Variants in TRIM66 observed in about 807,000 individuals in gnomAD.
TRIM66 encodes tripartite motif containing 66.
Under a neutral mutation model 148.2 loss-of-function variants are expected in TRIM66, and 99 were observed. The ratio of observed to expected loss-of-function variants is 0.67; its 90% CI spans 0.57 to 0.79. TRIM66 has a LOEUF of 0.79. Among genes scored for constraint, TRIM66 ranks in the 30% least tolerant of loss-of-function variants. The pLI is 0.00. For synonymous variants in TRIM66, 616 were observed against 635.9 expected, an observed-to-expected ratio of 0.97 and a Z score of 0.47; for missense variants, 1,666 against 1,697.9, an observed-to-expected ratio of 0.98 and a Z score of 0.33.
intron 6 of TRIM66, among the ~76,000 whole-genome samples, chr11:8,655,234 G>A (rs2037721307): frequency 6.6e-6 from 1 of 152,270 alleles, no homozygotes; most frequent in African/African-American, 2.4e-5. Context: ...GTAGTAAGAA[G>A]CCACCTGGAA....
At position 8,617,823 on chromosome 11, in the gene TRIM66, T is replaced by C. The variant is rs2033817777; in HGVS notation, c.*121A>G. On this transcript the variant is annotated 3_prime_UTR_variant, in exon 25 of 25. Transcript: ENST00000646038. ...AGATGCAAATGGCAAAGAAGAGCAC[T>C]ACACAGTTCAACAAGACTCATCTAC... 3.2e-6 allele frequency: 3 copies of C among 942,452 alleles called. No individual in the cohort carries two copies. Among genetic ancestry groups the C allele is most frequent in the South Asian group, 1.5e-5 (1 of 68,010 alleles). The allele number at this position is 942,452 out of a possible 1,614,324, so 58.4% of individuals were successfully genotyped here.
chr11:8,623,758 C>G lies in TRIM66; in HGVS notation c.3019+601G>C, dbSNP rs1404182927. 2.6e-5 allele frequency among the ~76,000 whole-genome samples: 4 copies of G among 152,148 alleles called. No individual in the cohort carries two copies. The East Asian group carries it at 7.7e-4, about 29-fold the overall frequency. On this transcript the variant is annotated intron_variant, in intron 17 of 24. Coordinates refer to ENST00000646038, the MANE Select transcript of TRIM66 (RefSeq NM_001388022.1). ...TGGGAAGCTGAGAAGCGAATCAGAACCAATCTCCAATGGTCCAAATTGCCT... is the reference window on the plus strand; with the variant it reads ...TGGGAAGCTGAGAAGCGAATCAGAAGCAATCTCCAATGGTCCAAATTGCCT...
chr11:8,649,286 C>T (rs748279605), intron 8 of TRIM66, among the ~76,000 whole-genome samples: 3 of 152,032 alleles, frequency 2.0e-5, no homozygotes. Flanking sequence ...TTGTAGTGAG[C>T]CGAGATCATG....
chr11:8,633,122 G>A (rs2035565545), intron 15 of TRIM66, among the ~76,000 whole-genome samples: 1 of 152,126 alleles, frequency 6.6e-6, no homozygotes, highest in East Asian at 1.9e-4. Context: ...AAGGTATTTT[G>A]CCCAGGCCAG....
chr11:8,665,566 C>T (rs1365777740), intron 6 of TRIM66, among the ~76,000 whole-genome samples: 2 of 152,204 alleles, frequency 1.3e-5, no homozygotes, highest in Non-Finnish European at 2.9e-5. Flanking sequence ...TGCCATACAG[C>T]CTGGTACACA....
chr11:8,618,032 A>C, intron 24 of TRIM66, 29 bp from the exon 25 acceptor site: 1 of 1,538,932 alleles, frequency 6.5e-7, no homozygotes, highest in Non-Finnish European at 8.8e-7. Flanking sequence ...TTTGGAATTA[A>C]AATAGCCAAA....
At chr11:8,641,394 C>T (rs2036381196) in intron 13 of TRIM66, among the ~76,000 whole-genome samples, 3 of 152,138 alleles carry the variant, frequency 2.0e-5, no homozygotes, top group Admixed American at 2.0e-4. Context: ...AGATGCTCAG[C>T]CCTGACTCTG....
At chr11:8,660,567 C>T (rs1446970128) in intron 6 of TRIM66, among the ~76,000 whole-genome samples, 2 of 152,176 alleles carry the variant, frequency 1.3e-5, no homozygotes, top group African/African-American at 2.4e-5. Context: ...AATGGTAGAG[C>T]TAAGTAGTTG....
In TRIM66 at chr11:8,622,855, C is replaced by T. The variant is rs1422445535; in HGVS notation, c.3041G>A (p.Gly1014Glu). 1 of 1,551,868 alleles carries T rather than the reference C, an allele frequency of 6.4e-7. No homozygotes were observed. Among genetic ancestry groups the T allele is most frequent in the Non-Finnish European group, 8.7e-7 (1 of 1,147,072 alleles). The change falls in exon 18 of 25, where the codon GGA (glycine) becomes GAA (glutamate). Residue 1014 changes from glycine (G) to glutamate (E), a missense_variant. Gly to Glu is a moderately conservative substitution (Grantham distance 98). Transcript: ENST00000646038. ...CTCTTTTGCATCCAGCTCTAGGGCT[C>T]CTTGTTCAAAATTCTCACACTCTAA... ...NPKECENFEQGALELDAKENQ... is the reference protein window; with the variant it reads ...NPKECENFEQEALELDAKENQ...
intron 22 of TRIM66, 86 bp from the exon 23 acceptor site, chr11:8,619,621 A>G (rs1429170455): frequency 3.2e-6 from 4 of 1,252,768 alleles, no homozygotes; most frequent in Non-Finnish European, 2.1e-6. Flanking sequence ...AGAAATGGAA[A>G]ATGAGGTGAA....
intron 6 of TRIM66, among the ~76,000 whole-genome samples, chr11:8,659,556 T>C (rs992691935): frequency 6.6e-6 from 1 of 152,180 alleles, no homozygotes; most frequent in Admixed American, 6.5e-5. Flanking sequence ...CCTTCCTTTC[T>C]CTGGCATCCT....
At chr11:8,646,665 T>A (rs2036875078) in intron 10 of TRIM66, 104 bp from the exon 11 acceptor site, 1 of 845,604 alleles carries the variant, frequency 1.2e-6, no homozygotes, top group Non-Finnish European at 2.0e-6. Context: ...CCTACTGAGA[T>A]CAGGGCCTAG....
intron 15 of TRIM66, 142 bp from the exon 16 acceptor site, chr11:8,625,370 A>C (rs2034720818): frequency 1.9e-6 from 2 of 1,077,366 alleles, no homozygotes; most frequent in East Asian, 2.6e-5. Context: ...AGCTGCCAGG[A>C]ACTCAGGCAA....
At chr11:8,655,044 G>C (rs1187659459) in intron 6 of TRIM66, among the ~76,000 whole-genome samples, 1 of 152,082 alleles carries the variant, frequency 6.6e-6, no homozygotes, top group Non-Finnish European at 1.5e-5. Context: ...ATTTTTAGTA[G>C]AGACAGGGTT....
chr11:8,678,877 G>A (rs1170468547), intron 3 of TRIM66, among the ~76,000 whole-genome samples: 1 of 152,188 alleles, frequency 6.6e-6, no homozygotes. Context: ...GTGTTCCCAA[G>A]GCCACCTGGA....
At chr11:8,626,807 T>C (rs939524064) in intron 15 of TRIM66, among the ~76,000 whole-genome samples, 10 of 152,212 alleles carry the variant, frequency 6.6e-5, no homozygotes, top group Non-Finnish European at 1.5e-4. Flanking sequence ...CTGTCCTCCT[T>C]TGTAGCCATA....
At chr11:8,622,342 ACAC>A (rs2034329483) in intron 18 of TRIM66, among the ~76,000 whole-genome samples, 1 of 40,366 alleles carries the variant, frequency 2.5e-5, no homozygotes, top group African/African-American at 8.5e-5. Flanking sequence ...CACACACAAC[ACAC>A]ACACACACAC....
rs757959060 is a variant in TRIM66, at chr11:8,624,765, C to G, written c.2774G>C (p.Ser925Thr). The G allele has an allele frequency of 6.5e-7, 1 of 1,548,316 alleles. No homozygotes were observed. Among genetic ancestry groups the G allele is most frequent in the Non-Finnish European group, 8.7e-7 (1 of 1,144,840 alleles). Residue 925 changes from serine to threonine, a missense_variant, in exon 16 of 25, where the codon AGC becomes ACC. Coordinates refer to ENST00000646038, the MANE Select transcript of TRIM66 (RefSeq NM_001388022.1). The stretch of plus-strand genomic sequence containing the variant: ...ATCAGCCCCATCTCTGGGACACAGG[C>G]TCCCTGAAGTTCGGCCAGAACTGGA... ...SSSSSGRTSG[S>T]LCPRDGADPS...
chr11:8,625,131 C>T lies in TRIM66; in HGVS notation c.2408G>A (p.Ser803Asn). 1.9e-6 allele frequency: 3 copies of T among 1,551,134 alleles called. No individual in the cohort carries two copies. In the South Asian group the frequency reaches 3.6e-5, roughly 18 times the overall value. ...GGCACCAGCTGTCAGGTTGCTCACA[C>T]TCTGGATCTGTGGCTCTAGGGGCCT... ...LERPLEPQIQ[S>N]VSNLTAGAPQ... The change falls in exon 16 of 25, where the codon AGT becomes AAT. Residue 803 changes from serine (S) to asparagine (N), a missense_variant. This residue lies in a region of TRIM66 where 1,431 missense variants were observed against 1,412.4 expected (regional missense o/e 1.01). Coordinates refer to ENST00000646038, the MANE Select transcript of TRIM66 (RefSeq NM_001388022.1).
Sources: allele counts gnomAD v4.1 joint callset (sites outside exome capture counted in the v4.1 genomes callset), GRCh38; gene constraint gnomAD v4.1.1; regional missense constraint gnomAD v4.1.1; transcripts MANE v1.5; gene names NCBI Gene and HGNC (gene_info 2026-07-23, HGNC 2026-07-21).